The following APBB2 variants were observed in gnomAD, a reference collection of about 807,000 sequenced individuals.
APBB2 encodes the protein amyloid beta precursor protein binding family B member 2, also known as Fe65-like 1.
Under a neutral mutation model 82.5 loss-of-function variants are expected in APBB2, and 38 were observed. The ratio of observed to expected loss-of-function variants is 0.46; its 90% CI spans 0.36 to 0.60. The LOEUF (loss-of-function observed/expected upper bound fraction) is 0.60, where lower values mean the gene tolerates loss of function less well. Among genes scored for constraint, APBB2 ranks in the 20% least tolerant of loss-of-function variants. The probability of loss-of-function intolerance (pLI) is 0.00; values close to 1 mark genes in which losing one functional copy is unlikely to be tolerated. For synonymous variants in APBB2, 341 were observed against 368.2 expected, an observed-to-expected ratio of 0.93 and a Z score of 0.85; for missense variants, 772 against 972.3, an observed-to-expected ratio of 0.79 and a Z score of 2.74.
rs113556800 is a variant in APBB2 at position 41,107,068 on chromosome 4, G to C, written c.-260-6318C>G. Among the ~76,000 whole-genome samples the C allele has an allele frequency of 8.2e-3, 1,243 of 152,190 alleles. 12 individuals carry two copies. Among genetic ancestry groups the C allele is most frequent in the Non-Finnish European group, 0.013 (898 of 68,012 alleles). On this transcript the variant is annotated intron_variant, in intron 2 of 17. Transcript: ENST00000508593. ...CTCATGCCTATCATCTTAGCACTCT[G>C]GGAGGCCAAGGCAGGCAGATCACTT...
chr4:40,873,771 T>C (rs898838817), intron 12 of APBB2, among the ~76,000 whole-genome samples: 7 of 152,344 alleles, frequency 4.6e-5, no homozygotes, highest in African/African-American at 1.7e-4. Context: ...GCTGTAGGGA[T>C]AGATTTTTAA....
chr4:41,092,481 G>C (rs35849005), intron 3 of APBB2, among the ~76,000 whole-genome samples: 2 of 152,136 alleles, frequency 1.3e-5, no homozygotes, highest in Non-Finnish European at 2.9e-5. Flanking sequence ...GATTTGGTCT[G>C]AGTCTGAGAC....
At chr4:41,208,926 C>T (rs1317775805) in intron 1 of APBB2, among the ~76,000 whole-genome samples, 1 of 152,074 alleles carries the variant, frequency 6.6e-6, no homozygotes, top group Non-Finnish European at 1.5e-5. Context: ...TTACAGAAAA[C>T]AAGATAAGAT....
At chr4:41,040,619 A>C (rs775489838) in intron 4 of APBB2, among the ~76,000 whole-genome samples, 6 of 152,192 alleles carry the variant, frequency 3.9e-5, no homozygotes, top group East Asian at 1.9e-4. Flanking sequence ...ACCTCTAAAA[A>C]AGAGGCTCAA....
At chr4:41,043,185 G>C (rs1722172544) in intron 4 of APBB2, among the ~76,000 whole-genome samples, 1 of 151,906 alleles carries the variant, frequency 6.6e-6, no homozygotes, top group Non-Finnish European at 1.5e-5. Context: ...CAAATTTTAG[G>C]TATTTATCAT....
intron 6 of APBB2, among the ~76,000 whole-genome samples, chr4:41,010,474 C>A (rs1808018957): frequency 6.6e-6 from 1 of 152,128 alleles, no homozygotes; most frequent in Admixed American, 6.5e-5. Context: ...GGACACTGAG[C>A]AAATGAGTGG....
intron 1 of APBB2, among the ~76,000 whole-genome samples, chr4:41,164,542 T>C (rs1247812266): frequency 6.6e-6 from 1 of 152,228 alleles, no homozygotes; most frequent in East Asian, 1.9e-4. Flanking sequence ...ATAGTTTCCC[T>C]TTGTACCAGA....
At chr4:41,212,935 T>G (rs1262650428) in intron 1 of APBB2, among the ~76,000 whole-genome samples, 3 of 152,174 alleles carry the variant, frequency 2.0e-5, no homozygotes, top group Non-Finnish European at 4.4e-5. Context: ...AAGCTACAAG[T>G]TGAAAACGAG....
chr4:41,140,852 CTCCCATCA>C (rs1274443163), intron 2 of APBB2, among the ~76,000 whole-genome samples: 4 of 152,198 alleles, frequency 2.6e-5, no homozygotes, highest in Non-Finnish European at 5.9e-5. Flanking sequence ...CTGCCACTGT[CTCCCATCA>C]TCCCCAGATG....
At chr4:41,187,009 T>C (rs745509366) in intron 1 of APBB2, among the ~76,000 whole-genome samples, 5 of 152,314 alleles carry the variant, frequency 3.3e-5, no homozygotes, top group South Asian at 4.1e-4. Context: ...TGCACACATA[T>C]AGGAATCATC....
chr4:40,984,934 T>C (rs1454255858), intron 6 of APBB2, among the ~76,000 whole-genome samples: 2 of 152,190 alleles, frequency 1.3e-5, no homozygotes, highest in African/African-American at 4.8e-5. Flanking sequence ...AGATGATTTT[T>C]TTTTTGAGAC....
At chr4:40,827,025 T>C in intron 14 of APBB2, 107 bp downstream of exon 14, 1 of 982,630 alleles carries the variant, frequency 1.0e-6, no homozygotes, top group Non-Finnish European at 1.6e-6. Flanking sequence ...CTGAGTTGAG[T>C]GTGCTCTTTA....
chr4:40,988,493 C>T (rs1215163053), intron 6 of APBB2, among the ~76,000 whole-genome samples: 1 of 151,652 alleles, frequency 6.6e-6, no homozygotes, highest in Non-Finnish European at 1.5e-5. Context: ...AAAAAATTAG[C>T]CAGGCATGGT....
chr4:41,147,299 G>A (rs35125077), intron 1 of APBB2, among the ~76,000 whole-genome samples: 56,410 of 151,844 alleles, frequency 0.37, 10,687 homozygotes, highest in South Asian at 0.45. Context: ...AAGTCACCAA[G>A]TTATTTTTCT....
At chr4:41,175,713 C>T (rs1003468389) in intron 1 of APBB2, among the ~76,000 whole-genome samples, 3 of 151,554 alleles carry the variant, frequency 2.0e-5, no homozygotes, top group Admixed American at 6.6e-5. Flanking sequence ...AATGTTTCAA[C>T]GAAAATGAAG....
At chr4:41,032,945 C>T (rs372518877) in intron 5 of APBB2, among the ~76,000 whole-genome samples, 1,822 of 150,796 alleles carry the variant, frequency 0.012, 40 homozygotes, top group African/African-American at 0.042. Context: ...CCACCATGCC[C>T]GGCTAATTTT....
intron 1 of APBB2, among the ~76,000 whole-genome samples, chr4:41,164,224 C>T (rs1344983642): frequency 6.6e-6 from 1 of 152,094 alleles, no homozygotes; most frequent in African/African-American, 2.4e-5. Context: ...TGACCACAAC[C>T]CGTCACATGA....
intron 7 of APBB2, among the ~76,000 whole-genome samples, chr4:40,937,580 G>A (rs1456378960): frequency 2.0e-5 from 3 of 152,074 alleles, no homozygotes; most frequent in Non-Finnish European, 2.9e-5. Flanking sequence ...AACTTAACAC[G>A]GGCACTCTTA....
chr4:40,816,886 G>A (rs1240540670), intron 17 of APBB2, among the ~76,000 whole-genome samples: 3 of 152,138 alleles, frequency 2.0e-5, no homozygotes. Context: ...TAATTAAAAA[G>A]ATGAGGTATT....
Sources: allele counts gnomAD v4.1 joint callset (sites outside exome capture counted in the v4.1 genomes callset), GRCh38; gene constraint gnomAD v4.1.1; transcripts MANE v1.5; gene names NCBI Gene and HGNC (gene_info 2026-07-23, HGNC 2026-07-21).